The following MRPS2 variants were observed in gnomAD, a reference collection of about 807,000 sequenced individuals.
MRPS2 encodes small ribosomal subunit protein uS2m.
A neutral mutation model predicts 18.9 loss-of-function variants in MRPS2; 13 were observed. The observed-to-expected ratio is 0.69, with a 90% confidence interval of 0.45 to 1.09. The LOEUF (loss-of-function observed/expected upper bound fraction) is 1.09. Ranked by LOEUF, MRPS2 falls within the 50% of genes least tolerant of loss-of-function variation. The pLI is 0.00. For missense variants in MRPS2, 389 were observed against 421.7 expected, an observed-to-expected ratio of 0.92 and a Z score of 0.68; for synonymous variants, 186 against 178.4, an observed-to-expected ratio of 1.04 and a Z score of -0.34.
At chr9:135,500,119 A>C, upstream of MRPS2, 1 of 462,700 alleles carries the variant, frequency 2.2e-6, no homozygotes, top group Non-Finnish European at 3.8e-6. Context: ...CAGGGCGTGG[A>C]CTCCCGGGCG....
chr9:135,500,810 C>CGCGGGGACCCGATGGAGCG (rs1831094037), intron 1 of MRPS2, 57 bp downstream of exon 1: 1 of 1,490,528 alleles, frequency 6.7e-7, no homozygotes, highest in East Asian at 2.5e-5. Flanking sequence ...TGCGGAGGGG[C>CGCGGGGACCCGATGGAGCG]GCGGGGACCC....
intron 1 of MRPS2, 60 bp downstream of exon 1, chr9:135,500,813 G>T: frequency 6.7e-7 from 1 of 1,492,764 alleles, no homozygotes. Flanking sequence ...GGAGGGGCGC[G>T]GGGACCCGAT....
chr9:135,501,368 C>T (rs1452584244), intron 2 of MRPS2: 5 of 1,368,370 alleles, frequency 3.7e-6, no homozygotes, highest in Non-Finnish European at 4.7e-6. Context: ...ACAGGCTTCG[C>T]TCCCTAGGGG....
At chr9:135,501,802 C>T in intron 2 of MRPS2, 42 bp from the exon 3 acceptor site, 1 of 1,608,458 alleles carries the variant, frequency 6.2e-7, no homozygotes, top group Admixed American at 1.7e-5. Context: ...TCTCTGCTGC[C>T]ACCGGTGGGA....
chr9:135,501,048 C>G lies in MRPS2; in HGVS notation c.94C>G (p.Arg32Gly), dbSNP rs780678443. Residue 32 changes from arginine to glycine, a missense_variant, in exon 2 of 4, where the codon CGG (arginine) becomes GGG (glycine). Coordinates refer to ENST00000241600, the MANE Select transcript of MRPS2 (RefSeq NM_016034.5). Reference protein sequence around the residue: ...WLGFLGKATPRPARPSRRTLG... With the variant: ...WLGFLGKATPGPARPSRRTLG... ...GGGCTTTCTCGGGAAGGCGACCCCC[C>G]GGCCTGCTCGGCCGAGCCGCAGGAC... 2 of 1,610,268 alleles carry G rather than the reference C, an allele frequency of 1.2e-6. No homozygotes were observed. Among genetic ancestry groups the G allele is most frequent in the Non-Finnish European group, 1.7e-6 (2 of 1,178,952 alleles).
At chr9:135,500,403 C>T, upstream of MRPS2, 1 of 394,058 alleles carries the variant, frequency 2.5e-6, no homozygotes, top group Non-Finnish European at 4.5e-6. Context: ...GGCGAGGGTC[C>T]CCATCGCCCA....
rs905503369 is a variant in MRPS2 at position 135,504,015 on chromosome 9, C to T, written c.773C>T (p.Thr258Ile). The T allele has an allele frequency of 6.2e-7, 1 of 1,613,402 alleles. No individual in the cohort carries two copies. Among genetic ancestry groups the T allele is most frequent in the African/African-American group, 1.3e-5 (1 of 74,940 alleles). Residue 258 changes from threonine (T) to isoleucine (I), a missense_variant, in exon 4 of 4, where the codon ACC becomes ATC. Transcript: ENST00000241600. This position sits in a 1 kb window ranked among gnomAD's most constrained non-coding sequence, Gnocchi z 4.3. The stretch of plus-strand genomic sequence containing the variant: ...TGCAGGCTCTTCCAGACGGCCATCA[C>T]CCGGGCCAAGGAGAAGCGGCAGCAG... ...LYCRLFQTAI[T>I]RAKEKRQQVE...
chr9:135,500,381 C>T, upstream of MRPS2: 1 of 383,180 alleles, frequency 2.6e-6, no homozygotes, highest in Non-Finnish European at 4.6e-6. Flanking sequence ...GTTCACAGCT[C>T]ACTTGGCGGG....
chr9:135,501,930 G>A lies in MRPS2; in HGVS notation c.256G>A (p.Asp86Asn), dbSNP rs1469669573. 1.9e-6 allele frequency: 3 copies of A among 1,613,736 alleles called. No individual in the cohort carries two copies. Among genetic ancestry groups the A allele is most frequent in the East Asian group, 2.2e-5 (1 of 44,880 alleles). Residue 86 changes from aspartate (D) to asparagine (N), a missense_variant, in exon 3 of 4, where the codon GAT (aspartate) becomes AAT (asparagine). Transcript: ENST00000241600. Reference protein sequence around the residue: ...KELFSVRSLFDARVHLGHKAG... With the variant: ...KELFSVRSLFNARVHLGHKAG... Reference sequence around the variant, plus strand: ...ACTGTTTTCCGTGAGAAGCCTCTTCGATGCCCGAGTCCATCTGGGACACAA... The same window carrying A: ...ACTGTTTTCCGTGAGAAGCCTCTTCAATGCCCGAGTCCATCTGGGACACAA...
intron 3 of MRPS2, 142 bp downstream of exon 3, chr9:135,502,115 C>T: frequency 1.4e-6 from 2 of 1,468,232 alleles, no homozygotes; most frequent in Non-Finnish European, 1.8e-6. Flanking sequence ...GAATACAGAG[C>T]CCCACAGAGA....
At chr9:135,500,787 C>A in intron 1 of MRPS2, 34 bp downstream of exon 1, 1 of 1,487,162 alleles carries the variant, frequency 6.7e-7, no homozygotes. Context: ...TGGGGAGGAG[C>A]ATGCGAGGAG....
At position 135,504,098 on chromosome 9, in the gene MRPS2, C is replaced by A. The variant is rs200328491; in HGVS notation, c.856C>A (p.His286Asn). ...QKEPGDQGPA[H>N]PPGADMSHSL is the part of the protein sequence containing the mutation. ...GGAGCCCGGGGACCAGGGGCCAGCC[C>A]ACCCTCCTGGGGCTGACATGAGCCA... The change falls in exon 4 of 4, where the codon CAC (histidine) becomes AAC (asparagine). Residue 286 changes from histidine (H) to asparagine (N), a missense_variant. Physicochemically the swap from His to Asn is moderately conservative, Grantham distance 68. Coordinates refer to ENST00000241600, the MANE Select transcript of MRPS2 (RefSeq NM_016034.5). The surrounding 1 kb of genome is among the most constrained non-coding windows in gnomAD (Gnocchi z 4.3). 6 of 1,611,122 alleles carry A rather than the reference C, an allele frequency of 3.7e-6. No individual in the cohort carries two copies. The African/African-American group carries it at 5.3e-5, about 14-fold the overall frequency.
At position 135,503,762 on chromosome 9, in the gene MRPS2, G is replaced by A; in HGVS notation, c.520G>A (p.Gly174Ser). ...EYAHTRYFRG[G>S]MLTNARLLFG... Reference sequence around the variant, plus strand: ...CGCCCACACTCGCTACTTCAGGGGCGGCATGCTGACCAACGCGCGCCTCCT... The same window carrying A: ...CGCCCACACTCGCTACTTCAGGGGCAGCATGCTGACCAACGCGCGCCTCCT... Residue 174 changes from glycine (G) to serine (S), a missense_variant, in exon 4 of 4, where the codon GGC becomes AGC. Coordinates refer to ENST00000241600, the MANE Select transcript of MRPS2 (RefSeq NM_016034.5). 3.7e-6 allele frequency: 6 copies of A among 1,612,784 alleles called. No homozygotes were observed. Among genetic ancestry groups the A allele is most frequent in the South Asian group, 1.1e-5 (1 of 91,078 alleles).
Position 135,504,158 on chromosome 9 carries a change from C to T in MRPS2, c.*25C>T. On this transcript the variant is annotated 3_prime_UTR_variant, in exon 4 of 4. Coordinates refer to ENST00000241600, the MANE Select transcript of MRPS2 (RefSeq NM_016034.5). This position sits in a 1 kb window ranked among gnomAD's most constrained non-coding sequence, Gnocchi z 4.3. ...ATGTTCACTCTCCTCCCAAAGCAAA[C>T]CACAGCCAAGCCTGTCTGAGCTGGG... 1 of 1,546,250 alleles carries T rather than the reference C, an allele frequency of 6.5e-7. No homozygotes were observed. The highest frequency in any genetic ancestry group is 8.7e-7 in the Non-Finnish European group (1 of 1,150,900).
chr9:135,504,052 C>G lies in MRPS2; in HGVS notation c.810C>G (p.Leu270=). ...AGAAGCGGCAGCAGGTTGAGGCTCT[C>G]TATCGCCTGCAGGGCCAGAAGGAGC... is the stretch of plus-strand genomic sequence containing the variant. ...AKEKRQQVEA[L]YRLQGQKEPG... Residue 270 remains leucine, a synonymous_variant, in exon 4 of 4, where the codon CTC becomes CTG. Coordinates refer to ENST00000241600, the MANE Select transcript of MRPS2 (RefSeq NM_016034.5). The surrounding 1 kb of genome is among the most constrained non-coding windows in gnomAD (Gnocchi z 4.3). 6.2e-7 allele frequency: 1 copy of G among 1,613,118 alleles called. No individual in the cohort carries two copies. Among genetic ancestry groups the G allele is most frequent in the Non-Finnish European group, 8.5e-7 (1 of 1,180,020 alleles).
chr9:135,502,030 C>A (rs1831158467), intron 3 of MRPS2, 57 bp downstream of exon 3: 2 of 1,609,538 alleles, frequency 1.2e-6, no homozygotes, highest in East Asian at 2.2e-5. Context: ...CTGGGACCTG[C>A]TCTGGTTCTA....
Position 135,501,715 on chromosome 9 carries a change from C to G in MRPS2, c.170-129C>G, listed in dbSNP as rs1232094193. On this transcript the variant is annotated intron_variant, in intron 2 of 3. Transcript: ENST00000241600. ...TGCTTCCAGGTCTTTCCTGGGGCTGCTGGGCTCCCGGCTCCCCACCTCGGT... is the reference window on the plus strand; with the variant it reads ...TGCTTCCAGGTCTTTCCTGGGGCTGGTGGGCTCCCGGCTCCCCACCTCGGT... 3 of 1,504,288 alleles carry G rather than the reference C, an allele frequency of 2.0e-6. No individual in the cohort carries two copies. The East Asian group carries it at 6.9e-5, about 35-fold the overall frequency. 93.2% of individuals were successfully genotyped at this position (1,504,288 alleles called of 1,614,324 possible).
intron 3 of MRPS2, among the ~76,000 whole-genome samples, chr9:135,502,792 G>C (rs2119362783): frequency 6.6e-6 from 1 of 152,308 alleles, no homozygotes; most frequent in South Asian, 2.1e-4. Context: ...CCAGTGTTTG[G>C]AGTCAGTGAA....
rs1477638900 is a variant in MRPS2, at chr9:135,501,444, G to A, written c.169+321G>A. ...CCAGGCGGGCCCAAGTGACCTGGGG[G>A]CACTGGGCTTGGAGTCTGCCCACCT... is the stretch of plus-strand genomic sequence containing the variant. On this transcript the variant is annotated intron_variant, in intron 2 of 3. Transcript: ENST00000241600. The A allele has an allele frequency of 2.2e-5, 23 of 1,030,398 alleles. No homozygotes were observed. The Admixed American group carries it at 3.7e-4, about 16-fold the overall frequency. The allele number at this position is 1,030,398 out of a possible 1,614,324, so 63.8% of individuals were successfully genotyped here.
Sources: allele counts gnomAD v4.1 joint callset (sites outside exome capture counted in the v4.1 genomes callset), GRCh38; gene constraint gnomAD v4.1.1; non-coding constraint Gnocchi (gnomAD v3.1); transcripts MANE v1.5; gene names NCBI Gene and HGNC (gene_info 2026-07-23, HGNC 2026-07-21).